Variants in GABRB2 observed in about 807,000 individuals in gnomAD.
GABRB2 encodes the protein gamma-aminobutyric acid receptor subunit beta-2.
GABRB2 carries 16 observed loss-of-function variants against 54.7 expected under a neutral mutation model. The observed-to-expected ratio is 0.29, with a 90% CI of 0.20 to 0.44. GABRB2 has a LOEUF of 0.44. GABRB2 is among the 20% of genes least tolerant of loss of function. The pLI, the probability that GABRB2 is intolerant of heterozygous loss-of-function variation, is 1.00. For missense variants in GABRB2, 355 were observed against 644.0 expected (o/e 0.55, Z 4.86); for synonymous variants, 244 against 233.8 (o/e 1.04, Z -0.40).
At chr5:161,297,650 T>G (rs1370503668) in intron 9 of GABRB2, among the ~76,000 whole-genome samples, 1 of 152,206 alleles carries the variant, frequency 6.6e-6, no homozygotes, top group Non-Finnish European at 1.5e-5. Context: ...CCATGGTATA[T>G]ACGTGTCACA....
intron 4 of GABRB2, among the ~76,000 whole-genome samples, chr5:161,433,775 G>A (rs1322967710): frequency 6.6e-6 from 1 of 151,466 alleles, no homozygotes; most frequent in African/African-American, 2.4e-5. Context: ...TTTATTTACA[G>A]GTTCTTTCCT....
intron 5 of GABRB2, among the ~76,000 whole-genome samples, chr5:161,376,988 G>A (rs935476449): frequency 1.1e-4 from 16 of 152,042 alleles, no homozygotes; most frequent in Non-Finnish European, 4.4e-5. Context: ...AAGTAGGAAT[G>A]GAACCTAGGG....
intron 3 of GABRB2, among the ~76,000 whole-genome samples, chr5:161,477,726 T>C (rs1294064381): frequency 6.6e-6 from 1 of 151,926 alleles, no homozygotes; most frequent in Non-Finnish European, 1.5e-5. Context: ...AAACACGATA[T>C]GATTCCACTT....
At chr5:161,441,715 C>G (rs1466605822) in intron 4 of GABRB2, among the ~76,000 whole-genome samples, 1 of 152,096 alleles carries the variant, frequency 6.6e-6, no homozygotes, top group Non-Finnish European at 1.5e-5. Context: ...TGTCCATCAA[C>G]AGATGAATGA....
In GABRB2 at chr5:161,402,339, A is replaced by G. The variant is rs1756221992; in HGVS notation, c.541+8636T>C. Among the ~76,000 whole-genome samples the G allele has an allele frequency of 3.3e-5, 5 of 152,150 alleles. No individual in the cohort carries two copies. The South Asian group carries it at 1.0e-3, about 31-fold the overall frequency. On this transcript the variant is annotated intron_variant, in intron 5 of 9. Coordinates refer to ENST00000393959, the MANE Select transcript of GABRB2 (RefSeq NM_001371727.1). Reference sequence around the variant, plus strand: ...ACTCTTAAATTTTTTAAATGAGGTTAAATATTGCATATGCAGTTAAATATT... The same window carrying G: ...ACTCTTAAATTTTTTAAATGAGGTTGAATATTGCATATGCAGTTAAATATT...
intron 3 of GABRB2, among the ~76,000 whole-genome samples, chr5:161,528,057 T>C (rs749482946): frequency 1.1e-4 from 17 of 151,828 alleles, no homozygotes; most frequent in Non-Finnish European, 2.1e-4. Flanking sequence ...ATGATCATAA[T>C]GTCCATGAAC....
At chr5:161,364,446 C>T (rs554859499) in intron 5 of GABRB2, among the ~76,000 whole-genome samples, 288 of 152,130 alleles carry the variant, frequency 1.9e-3, no homozygotes, top group Non-Finnish European at 3.3e-3. Flanking sequence ...AAAGGCAGAA[C>T]GAATGAATAC....
At chr5:161,462,978 G>T (rs2962420) in intron 3 of GABRB2, among the ~76,000 whole-genome samples, 87,096 of 151,822 alleles carry the variant, frequency 0.57, 26,400 homozygotes, top group South Asian at 0.73. Flanking sequence ...ACTTGTCTCA[G>T]AGTTGGTTTA....
At chr5:161,388,576 C>T (rs1291145182) in intron 5 of GABRB2, among the ~76,000 whole-genome samples, 1 of 151,508 alleles carries the variant, frequency 6.6e-6, no homozygotes, top group Non-Finnish European at 1.5e-5. Context: ...TTCTTAATGC[C>T]TTTTATAATT....
chr5:161,544,496 TC>T (rs909886005), intron 3 of GABRB2, among the ~76,000 whole-genome samples: 4 of 152,186 alleles, frequency 2.6e-5, no homozygotes, highest in African/African-American at 9.7e-5. Context: ...AACACGTGTT[TC>T]CTAGTTGGGA....
Position 161,309,001 on chromosome 5 carries a change from T to C in GABRB2, c.1192-14573A>G, listed in dbSNP as rs911784939. Among the ~76,000 whole-genome samples, 5 of 152,060 alleles carry C rather than the reference T, an allele frequency of 3.3e-5. No homozygotes were observed. The East Asian group carries it at 5.8e-4, about 18-fold the overall frequency. Reference sequence around the variant, plus strand: ...AAAAGCAGTAACAACAACAGAAAGATTGACAAATGAGGTGTGATTAAACTA... The same window carrying C: ...AAAAGCAGTAACAACAACAGAAAGACTGACAAATGAGGTGTGATTAAACTA... On this transcript the variant is annotated intron_variant, in intron 9 of 9. Transcript: ENST00000393959.
chr5:161,519,837 C>T (rs1011689610), intron 3 of GABRB2, among the ~76,000 whole-genome samples: 28 of 152,138 alleles, frequency 1.8e-4, no homozygotes, highest in Admixed American at 1.5e-3. Flanking sequence ...GTTTTTTAAT[C>T]TGTGAAACTT....
chr5:161,460,258 T>TTATATATATA (rs148478159), intron 3 of GABRB2, among the ~76,000 whole-genome samples: 162 of 148,788 alleles, frequency 1.1e-3, no homozygotes, highest in African/African-American at 2.8e-3. Flanking sequence ...GAAAACAAAT[T>TTATATATATA]TATATATATA....
At chr5:161,309,046 A>G in intron 9 of GABRB2, among the ~76,000 whole-genome samples, 1 of 152,214 alleles carries the variant, frequency 6.6e-6, no homozygotes, top group East Asian at 1.9e-4. Flanking sequence ...TGCACGGCAA[A>G]CAAAACTATC....
At position 161,291,673 on chromosome 5, in the gene GABRB2, G is replaced by C. The variant is rs933217521; in HGVS notation, c.*2408C>G. ...AGATGCTTCTCTACACTTTGATCTGGATTGTTCTGTTGACTTTCTTGGACA... is the reference window on the plus strand; with the variant it reads ...AGATGCTTCTCTACACTTTGATCTGCATTGTTCTGTTGACTTTCTTGGACA... On this transcript the variant is annotated 3_prime_UTR_variant, in exon 10 of 10. Coordinates refer to ENST00000393959, the MANE Select transcript of GABRB2 (RefSeq NM_001371727.1). The C allele has an allele frequency of 2.6e-5, 4 of 152,472 alleles. No individual in the cohort carries two copies. The highest frequency in any genetic ancestry group is 5.9e-5 in the Non-Finnish European group (4 of 68,002). 9.4% of individuals were successfully genotyped at this position (152,472 alleles called of 1,614,324 possible).
intron 3 of GABRB2, among the ~76,000 whole-genome samples, chr5:161,473,450 A>G (rs1304557132): frequency 6.6e-6 from 1 of 152,030 alleles, no homozygotes; most frequent in Non-Finnish European, 1.5e-5. Flanking sequence ...CGAGGAGGAA[A>G]AAAATACAAG....
At chr5:161,541,369 C>T (rs1760810805) in intron 3 of GABRB2, among the ~76,000 whole-genome samples, 1 of 152,162 alleles carries the variant, frequency 6.6e-6, no homozygotes, top group Non-Finnish European at 1.5e-5. Context: ...TAACACCTAA[C>T]AAAAGTCAAC....
chr5:161,486,195 A>G (rs571133247), intron 3 of GABRB2, among the ~76,000 whole-genome samples: 3 of 152,104 alleles, frequency 2.0e-5, no homozygotes, highest in South Asian at 4.1e-4. Context: ...AAGAATAGAA[A>G]GGATTAGCAG....
rs552208067 is a variant in GABRB2 at position 161,528,260 on chromosome 5, C to A, written c.237+16967G>T. ...CTATGAAGTCTGAAGATACTGTGAT[C>A]GTTTTGCTAACAGTAGTTGTATCTG... On this transcript the variant is annotated intron_variant, in intron 3 of 9. Transcript: ENST00000393959. Among the ~76,000 whole-genome samples, 4 of 151,760 alleles carry A rather than the reference C, an allele frequency of 2.6e-5. No homozygotes were observed. The East Asian group carries it at 5.8e-4, about 22-fold the overall frequency.
Sources: gnomAD v4.1 joint callset for allele counts (sites outside exome capture counted in the v4.1 genomes callset) on GRCh38, gnomAD v4.1.1 for gene constraint, MANE v1.5 for transcripts, NCBI Gene and HGNC (gene_info 2026-07-23, HGNC 2026-07-21) for gene names.